EYA2: variants seen among roughly 807,000 people sequenced by gnomAD.
EYA2 encodes the protein EYA transcriptional coactivator and phosphatase 2.
Under a neutral mutation model 69.2 loss-of-function variants are expected in EYA2, and 31 were observed. The ratio of observed to expected loss-of-function variants is 0.45; its 90% CI spans 0.34 to 0.60. The LOEUF is 0.60. Ranked by LOEUF, EYA2 falls within the 20% of genes least tolerant of loss-of-function variation. The pLI, the probability that EYA2 is intolerant of heterozygous loss-of-function variation, is 0.02. For synonymous variants in EYA2, 257 were observed against 279.4 expected (o/e 0.92, Z 0.80); for missense variants, 622 against 701.2 (o/e 0.89, Z 1.28).
At chr20:47,127,014 C>T (rs999550101) in intron 9 of EYA2, among the ~76,000 whole-genome samples, 1 of 152,106 alleles carries the variant, frequency 6.6e-6, no homozygotes, top group African/African-American at 2.4e-5. Context: ...TGCTCAAATG[C>T]TCACTCTAGA....
chr20:47,001,329 C>A, intron 2 of EYA2, 99 bp from the exon 3 acceptor site: 1 of 1,029,442 alleles, frequency 9.7e-7, no homozygotes, highest in Admixed American at 1.7e-5. Flanking sequence ...CAGCACCCCT[C>A]CAAGTCTGCT....
rs112370425 is a variant in EYA2 at position 47,112,148 on chromosome 20, A to G, written c.888+14980A>G. Reference sequence around the variant, plus strand: ...AGAGCAAGACCGCTGTCTCAAGCAAACAAACAAAGCCATGACTATTTAGGA... The same window carrying G: ...AGAGCAAGACCGCTGTCTCAAGCAAGCAAACAAAGCCATGACTATTTAGGA... On this transcript the variant is annotated intron_variant, in intron 9 of 15. Transcript: ENST00000327619. 8.4e-3 allele frequency among the ~76,000 whole-genome samples: 1,279 copies of G among 152,276 alleles called. 21 individuals are homozygous for G. The highest frequency in any genetic ancestry group is 0.028 in the African/African-American group (1,182 of 41,540).
In EYA2 at chr20:47,172,812, C is replaced by T. The variant is rs775914334; in HGVS notation, c.1143C>T (p.Ala381=). ...GCGTGGACTGGATGAGGAAGCTGGC[C>T]TTCCGCTACCGGCGGGTGAAGGAGA... ...HGGVDWMRKL[A]FRYRRVKEMY... is the part of the protein sequence containing the mutation. Residue 381 remains alanine (A), a synonymous_variant, in exon 12 of 16, where the codon GCC becomes GCT. Coordinates refer to ENST00000327619, the MANE Select transcript of EYA2 (RefSeq NM_005244.5). 8.1e-6 allele frequency: 13 copies of T among 1,614,174 alleles called. No homozygotes were observed. The South Asian group carries it at 1.1e-4, about 14-fold the overall frequency.
rs148271702 is a variant in EYA2, at chr20:46,901,111, C to T, written c.-11+6124C>T. On this transcript the variant is annotated intron_variant, in intron 1 of 15. Coordinates refer to ENST00000327619, the MANE Select transcript of EYA2 (RefSeq NM_005244.5). ...CTCAATTTGACTTGGGTCCTCAAGGCGTCCTTGTGGTAAAGGGAGATAGGA... is the reference window on the plus strand; with the variant it reads ...CTCAATTTGACTTGGGTCCTCAAGGTGTCCTTGTGGTAAAGGGAGATAGGA... The T allele has an allele frequency of 2.6e-5, 4 of 152,264 alleles. No homozygotes were observed. In the East Asian group the frequency reaches 5.8e-4, roughly 22 times the overall value. 9.4% of individuals were successfully genotyped at this position (152,264 alleles called of 1,614,324 possible). A position where few individuals can be genotyped will look rare whatever the true frequency, so the allele number is the denominator to read the frequency against.
At chr20:47,071,954 G>A (rs1473055433) in intron 5 of EYA2, 2 of 559,454 alleles carry the variant, frequency 3.6e-6, no homozygotes, top group East Asian at 6.0e-5. Flanking sequence ...AAGCACCCAG[G>A]AGGCCGTGGT....
intron 1 of EYA2, among the ~76,000 whole-genome samples, chr20:46,941,842 T>G (rs1386192385): frequency 6.6e-6 from 1 of 151,978 alleles, no homozygotes; most frequent in African/African-American, 2.4e-5. Context: ...CACTGTAGCC[T>G]CAAACTCCTG....
chr20:46,934,452 C>T (rs1470284349), intron 1 of EYA2, among the ~76,000 whole-genome samples: 2 of 152,114 alleles, frequency 1.3e-5, no homozygotes, highest in African/African-American at 2.4e-5. Flanking sequence ...AGTAGCTCTC[C>T]CAGAATTCAA....
At chr20:47,022,190 G>C (rs1360388403) in intron 5 of EYA2, among the ~76,000 whole-genome samples, 1 of 152,160 alleles carries the variant, frequency 6.6e-6, no homozygotes. Flanking sequence ...GTCCAAACTC[G>C]TTCTGTGGTC....
At chr20:47,100,766 G>T (rs1429821808) in intron 9 of EYA2, among the ~76,000 whole-genome samples, 1 of 152,246 alleles carries the variant, frequency 6.6e-6, no homozygotes, top group Non-Finnish European at 1.5e-5. Context: ...GGTGAGGAAT[G>T]AATGAGTATT....
intron 9 of EYA2, among the ~76,000 whole-genome samples, chr20:47,126,362 A>G (rs1232461830): frequency 3.9e-5 from 6 of 152,152 alleles, no homozygotes; most frequent in South Asian, 2.1e-4. Context: ...CTTTCCACCC[A>G]TCACCTCCCT....
At chr20:46,904,566 A>G (rs995262948) in intron 1 of EYA2, among the ~76,000 whole-genome samples, 1 of 152,160 alleles carries the variant, frequency 6.6e-6, no homozygotes, top group South Asian at 2.1e-4. Context: ...TTTGAAATGC[A>G]TGTTTCCCCT....
intron 1 of EYA2, among the ~76,000 whole-genome samples, chr20:46,935,828 A>C (rs1985884004): frequency 6.6e-6 from 1 of 151,472 alleles, no homozygotes; most frequent in Admixed American, 6.6e-5. Context: ...ATATGTTATA[A>C]TAACATAGAT....
intron 1 of EYA2, among the ~76,000 whole-genome samples, chr20:46,984,597 G>A (rs1039027512): frequency 1.2e-4 from 19 of 152,130 alleles, no homozygotes; most frequent in African/African-American, 4.6e-4. Context: ...GTGTTAGCAG[G>A]AAATTGTGAA....
intron 10 of EYA2, among the ~76,000 whole-genome samples, chr20:47,155,130 A>G (rs1472839633): frequency 6.6e-6 from 1 of 152,008 alleles, no homozygotes; most frequent in Non-Finnish European, 1.5e-5. Context: ...TGCTGGGATT[A>G]CAGGCGTGAG....
intron 1 of EYA2, among the ~76,000 whole-genome samples, chr20:46,902,646 T>C (rs911019717): frequency 6.6e-6 from 1 of 152,254 alleles, no homozygotes; most frequent in Admixed American, 6.5e-5. Flanking sequence ...CATTGCCTTA[T>C]GGATATTTAT....
intron 10 of EYA2, among the ~76,000 whole-genome samples, chr20:47,165,042 A>G (rs890613704): frequency 6.6e-6 from 1 of 152,224 alleles, no homozygotes; most frequent in Admixed American, 6.5e-5. Flanking sequence ...CGTTCACTGC[A>G]ATAACCACTG....
intron 1 of EYA2, among the ~76,000 whole-genome samples, chr20:46,950,447 G>A (rs2146274037): frequency 6.6e-6 from 1 of 152,268 alleles, no homozygotes; most frequent in East Asian, 1.9e-4. Flanking sequence ...ATTGCACATG[G>A]TTTGGGGTGC....
intron 1 of EYA2, among the ~76,000 whole-genome samples, chr20:46,931,702 G>A (rs568457577): frequency 3.7e-4 from 56 of 152,208 alleles, no homozygotes; most frequent in Non-Finnish European, 7.6e-4. Flanking sequence ...CACCATCTCT[G>A]GGGTGGCTGA....
intron 15 of EYA2, among the ~76,000 whole-genome samples, chr20:47,184,252 G>T (rs189963283): frequency 5.8e-4 from 88 of 152,244 alleles, no homozygotes; most frequent in Non-Finnish European, 8.7e-4. Flanking sequence ...ATATTGAGGG[G>T]CAGCTGCCAG....
Sources: gnomAD v4.1 joint callset for allele counts (sites outside exome capture counted in the v4.1 genomes callset) on GRCh38, gnomAD v4.1.1 for gene constraint, MANE v1.5 for transcripts, NCBI Gene and HGNC (gene_info 2026-07-23, HGNC 2026-07-21) for gene names.